Variants in NUP160 observed in about 807,000 individuals in gnomAD.
NUP160 encodes nucleoporin 160, also known as nuclear pore complex protein Nup160.
A neutral mutation model predicts 196.9 loss-of-function variants in NUP160; 94 were observed. The observed-to-expected ratio is 0.48, with a 90% CI of 0.40 to 0.57. NUP160 has a LOEUF of 0.57. Ranked by LOEUF, NUP160 falls within the 20% of genes least tolerant of loss-of-function variation. The probability of loss-of-function intolerance (pLI) is 0.00; values close to 1 mark genes in which losing one functional copy is unlikely to be tolerated. For synonymous variants in NUP160, 605 were observed against 619.7 expected (o/e 0.98, Z 0.35); for missense variants, 1,638 against 1,748.3 (o/e 0.94, Z 1.13).
chr11:47,797,824 C>A lies in NUP160; in HGVS notation c.3244G>T (p.Glu1082Ter). The A allele has an allele frequency of 6.2e-7, 1 of 1,612,988 alleles. No homozygotes were observed. Among genetic ancestry groups the A allele is most frequent in the East Asian group, 2.2e-5 (1 of 44,796 alleles). Residue 1082 changes from glutamate (E) to a stop codon, truncating the protein, a stop_gained, in exon 27 of 36, where the codon GAA (glutamate) becomes TAA (stop). Coordinates refer to ENST00000378460, the Ensembl canonical transcript of NUP160. LOFTEE classifies it high-confidence loss of function. Reference sequence around the variant, plus strand: ...TAGATGTGAAAGGCATACAGAAGTTCATAGTAATTGTGAGTCATAAGGTCC... The same window carrying A: ...TAGATGTGAAAGGCATACAGAAGTTAATAGTAATTGTGAGTCATAAGGTCC...
At chr11:47,814,278 T>C (rs2097682977) in intron 13 of NUP160, among the ~76,000 whole-genome samples, 1 of 151,782 alleles carries the variant, frequency 6.6e-6, no homozygotes, top group African/African-American at 2.4e-5. Context: ...AATACATATA[T>C]TAGATTGGAT....
chr11:47,783,028 G>T lies in NUP160; in HGVS notation c.4116+45C>A, dbSNP rs563317492. Reference sequence around the variant, plus strand: ...CAAACCACTGTAAAGTTGAAAAATCGTAAGTCAAACCATTGTAAATTGGGG... The same window carrying T: ...CAAACCACTGTAAAGTTGAAAAATCTTAAGTCAAACCATTGTAAATTGGGG... On this transcript the variant is annotated intron_variant, in intron 34 of 35. Transcript: ENST00000378460. The T allele has an allele frequency of 7.4e-5, 114 of 1,538,696 alleles. No homozygotes were observed. In the South Asian group the frequency reaches 1.2e-3, roughly 16 times the overall value.
chr11:47,796,865 G>GTA (rs1319039228), intron 27 of NUP160, among the ~76,000 whole-genome samples: 2 of 152,096 alleles, frequency 1.3e-5, no homozygotes, highest in Non-Finnish European at 2.9e-5. Context: ...GCTATTTTTT[G>GTA]TATTTTCAGT....
chr11:47,795,357 C>A lies in NUP160; in HGVS notation c.3290-2411G>T, dbSNP rs572803128. On this transcript the variant is annotated intron_variant, in intron 27 of 35. Transcript: ENST00000378460. ...TTAATCTTGCTAAACTGGTACTAAG[C>A]AGGTTGATATAATGTTATTGTGAAA... Among the ~76,000 whole-genome samples, 22 of 152,212 alleles carry A rather than the reference C, an allele frequency of 1.4e-4. No individual in the cohort carries two copies. The East Asian group carries it at 2.7e-3, about 19-fold the overall frequency.
intron 19 of NUP160, among the ~76,000 whole-genome samples, chr11:47,806,790 T>TATACACACACAC (rs1296127312): frequency 1.8e-5 from 2 of 111,846 alleles, no homozygotes; most frequent in Non-Finnish European, 3.7e-5. Flanking sequence ...AAAGCAGCTA[T>TATACACACACAC]ACACACACAC....
exon 20 of NUP160, chr11:47,806,301 G>C: frequency 6.2e-7 from 1 of 1,612,796 alleles, no homozygotes; most frequent in Non-Finnish European, 8.5e-7. Flanking sequence ...ACAATAGTCT[G>C]AGGACTAGAT....
At chr11:47,836,836 A>G (rs771319285) in intron 6 of NUP160, 51 bp downstream of exon 6, 10 of 1,131,374 alleles carry the variant, frequency 8.8e-6, no homozygotes, top group Non-Finnish European at 1.2e-5. Flanking sequence ...TTCAATTCTC[A>G]TGATTCACAA....
chr11:47,790,099 C>T (rs1425210989), intron 29 of NUP160, among the ~76,000 whole-genome samples: 2 of 151,918 alleles, frequency 1.3e-5, no homozygotes, highest in Non-Finnish European at 2.9e-5. Context: ...GAATGCGCCA[C>T]CACGCCCAGC....
chr11:47,839,842 C>G lies in NUP160; in HGVS notation c.748+1G>C, dbSNP rs1245848803. On this transcript the variant is annotated splice_donor_variant, in intron 4 of 35. Transcript: ENST00000378460. LOFTEE classifies it high-confidence loss of function. The stretch of plus-strand genomic sequence containing the variant: ...AATCCATGCTCAGTTCCCATTCTTA[C>G]CAGGTATGTCATAAGGAGGTAGCTT... 1 of 1,609,216 alleles carries G rather than the reference C, an allele frequency of 6.2e-7. No homozygotes were observed. Among genetic ancestry groups the G allele is most frequent in the African/African-American group, 1.3e-5 (1 of 74,884 alleles).
Position 47,788,177 on chromosome 11 carries a change from C to T in NUP160, c.3746+5G>A. On this transcript the variant is annotated splice_donor_5th_base_variant and intron_variant, in intron 31 of 35. Coordinates refer to ENST00000378460, the Ensembl canonical transcript of NUP160. ...AAGACTATAAAAAAATAATTTTATA[C>T]ATACTTGAAGGCAAGCCCTTCAAAG... 6.2e-7 allele frequency: 1 copy of T among 1,606,054 alleles called. No individual in the cohort carries two copies. Among genetic ancestry groups the T allele is most frequent in the Non-Finnish European group, 8.5e-7 (1 of 1,176,112 alleles).
Position 47,785,031 on chromosome 11 carries a change from G to A in NUP160, c.3881C>T (p.Thr1294Ile), listed in dbSNP as rs148288371. 12 of 1,565,960 alleles carry A rather than the reference G, an allele frequency of 7.7e-6. No homozygotes were observed. Among genetic ancestry groups the A allele is most frequent in the African/African-American group, 2.8e-5 (2 of 72,326 alleles). Residue 1294 changes from threonine to isoleucine, a missense_variant, in exon 33 of 36, where the codon ACT becomes ATT. By Grantham distance (89) the Thr-to-Ile change is moderately conservative (BLOSUM62 -1). Transcript: ENST00000378460. ...CTGGACTTTGTACCTCTCCAGGTAA[G>A]TGGATAATAGTCGCCATGCTTCATC... is the stretch of plus-strand genomic sequence containing the variant.
upstream of NUP160, chr11:47,848,492 G>A (rs1599355786): frequency 5.6e-6 from 7 of 1,260,926 alleles, no homozygotes; most frequent in Non-Finnish European, 7.5e-6. Flanking sequence ...TGGGCAGCGA[G>A]GAATCCAGAA....
intron 3 of NUP160, 64 bp from the exon 4 acceptor site, chr11:47,840,129 C>G: frequency 7.9e-7 from 1 of 1,260,890 alleles, no homozygotes; most frequent in Non-Finnish European, 1.1e-6. Flanking sequence ...CTCAGTTCCT[C>G]TCTATTGCTA....
At chr11:47,791,950 CCAT>C (rs1333027570) in exon 29 of NUP160, 1 of 1,612,384 alleles carries the variant, frequency 6.2e-7, no homozygotes. Context: ...TGTGCATTCT[CCAT>C]CATGATTCCT....
chr11:47,840,396 G>C (rs776395125), exon 3 of NUP160: 6 of 1,613,732 alleles, frequency 3.7e-6, no homozygotes, highest in Non-Finnish European at 5.1e-6. Flanking sequence ...ACATCCGGGA[G>C]GGGTGTGGTA....
intron 6 of NUP160, 98 bp from the exon 7 acceptor site, chr11:47,835,907 C>T (rs1333003825): frequency 2.0e-6 from 2 of 982,366 alleles, no homozygotes. Context: ...ATCTACTGCT[C>T]TATCTAGTTT....
chr11:47,787,326 G>C (rs1047552337), intron 31 of NUP160, among the ~76,000 whole-genome samples: 1 of 151,930 alleles, frequency 6.6e-6, no homozygotes, highest in African/African-American at 2.4e-5. Flanking sequence ...GACCTCAAGT[G>C]ATCTGCCCAC....
At chr11:47,848,254 G>A (rs539386862) in exon 1 of NUP160, 35 of 1,614,000 alleles carry the variant, frequency 2.2e-5, no homozygotes, top group Admixed American at 3.3e-5. Flanking sequence ...AAAGTGCCTC[G>A]GCCTTTCGCG....
At chr11:47,817,795 C>T (rs1005745247) in intron 11 of NUP160, among the ~76,000 whole-genome samples, 2 of 152,142 alleles carry the variant, frequency 1.3e-5, no homozygotes, top group African/African-American at 4.8e-5. Flanking sequence ...TTTTACAGTA[C>T]TGTAGGTAGA....
Sources: gnomAD v4.1 joint callset for allele counts (sites outside exome capture counted in the v4.1 genomes callset) on GRCh38, gnomAD v4.1.1 for gene constraint, MANE v1.5 for transcripts, NCBI Gene and HGNC (gene_info 2026-07-23, HGNC 2026-07-21) for gene names.